The following SLC9A4 variants were observed in gnomAD, a reference collection of about 807,000 sequenced individuals.
The protein encoded by SLC9A4 is sodium/hydrogen exchanger 4.
A neutral mutation model predicts 67.4 loss-of-function variants in SLC9A4; 63 were observed. The ratio of observed to expected loss-of-function variants is 0.93; its 90% CI spans 0.76 to 1.15. The LOEUF (loss-of-function observed/expected upper bound fraction) is 1.15, where lower values mean the gene tolerates loss of function less well. SLC9A4 is among the 50% of genes most tolerant of loss of function. The pLI is 0.00. For missense variants in SLC9A4, 1,089 were observed against 987.7 expected (o/e 1.10, Z -1.38); for synonymous variants, 393 against 367.2 (o/e 1.07, Z -0.80).
At chr2:102,493,854 C>T (rs1187389334) in intron 2 of SLC9A4, among the ~76,000 whole-genome samples, 1 of 151,782 alleles carries the variant, frequency 6.6e-6, no homozygotes. Flanking sequence ...AAACAGTTAC[C>T]ATAACTGCAA....
In SLC9A4 at chr2:102,532,828, G is replaced by C. The variant is rs1674807695; in HGVS notation, c.*140G>C. The stretch of plus-strand genomic sequence containing the variant: ...ATTAAACATGGATCTATAAGCAGCA[G>C]GAAGATTTTTTCCAAGGACTGGGAG... On this transcript the variant is annotated 3_prime_UTR_variant, in exon 12 of 12. Transcript: ENST00000295269. The C allele has an allele frequency of 2.4e-5, 23 of 940,146 alleles. No individual in the cohort carries two copies. In the East Asian group the frequency reaches 6.0e-4, roughly 25 times the overall value. The allele number at this position is 940,146 out of a possible 1,614,324, so 58.2% of individuals were successfully genotyped here. A position where few individuals can be genotyped will look rare whatever the true frequency, so the allele number is the denominator to read the frequency against.
chr2:102,473,602 A>G lies in SLC9A4; in HGVS notation c.-158A>G, dbSNP rs553579171. ...CAGATTAGAAAGTGTCTACATACAG[A>G]GCTCAATAACACACTCGGAATCTTC... On this transcript the variant is annotated 5_prime_UTR_variant, in exon 1 of 12. Transcript: ENST00000295269. The G allele has an allele frequency of 2.4e-6, 2 of 821,602 alleles. No homozygotes were observed. The highest frequency in any genetic ancestry group is 5.3e-5 in the East Asian group (2 of 37,750). 50.9% of individuals were successfully genotyped at this position (821,602 alleles called of 1,614,324 possible).
chr2:102,503,442 G>C lies in SLC9A4; in HGVS notation c.721-6G>C, dbSNP rs1462208489. 6.4e-7 allele frequency: 1 copy of C among 1,568,088 alleles called. No individual in the cohort carries two copies. Among genetic ancestry groups the C allele is most frequent in the Non-Finnish European group, 8.7e-7 (1 of 1,154,618 alleles). On this transcript the variant is annotated splice_polypyrimidine_tract_variant and splice_region_variant and intron_variant, in intron 2 of 11. Coordinates refer to ENST00000295269, the MANE Select transcript of SLC9A4 (RefSeq NM_001011552.4). ...TTCATATTTGTTTACTCTCTTTTTTGCCTAGGTCTTATACAATATGTTAAT... is the reference window on the plus strand; with the variant it reads ...TTCATATTTGTTTACTCTCTTTTTTCCCTAGGTCTTATACAATATGTTAAT...
intron 2 of SLC9A4, among the ~76,000 whole-genome samples, chr2:102,500,492 CA>C (rs978498611): frequency 7.9e-5 from 12 of 152,124 alleles, no homozygotes; most frequent in African/African-American, 2.7e-4. Context: ...TGCTTGTGGA[CA>C]AAAAACTCAT....
At chr2:102,512,390 C>A in intron 7 of SLC9A4, 117 bp downstream of exon 7, 2 of 1,068,524 alleles carry the variant, frequency 1.9e-6, no homozygotes, top group Non-Finnish European at 2.8e-6. Context: ...TGCTCCTGAG[C>A]CATCCCCTAC....
At chr2:102,487,094 A>G (rs188482799) in intron 2 of SLC9A4, among the ~76,000 whole-genome samples, 277 of 152,226 alleles carry the variant, frequency 1.8e-3, no homozygotes, top group Non-Finnish European at 2.8e-3. Context: ...ATGGGTCCCA[A>G]AGGATTCAGG....
Position 102,525,174 on chromosome 2 carries a change from C to G in SLC9A4, c.1950+19C>G, listed in dbSNP as rs753323969. 3.7e-6 allele frequency: 6 copies of G among 1,613,628 alleles called. No individual in the cohort carries two copies. The South Asian group carries it at 5.5e-5, about 15-fold the overall frequency. ...AAAGCCGGTACATTGGGGCTGGGGA[C>G]TGGGACATTCCTTCAGTGTGCAAGT... On this transcript the variant is annotated intron_variant, in intron 10 of 11. Coordinates refer to ENST00000295269, the MANE Select transcript of SLC9A4 (RefSeq NM_001011552.4).
At chr2:102,500,528 C>G (rs1193452681) in intron 2 of SLC9A4, among the ~76,000 whole-genome samples, 1 of 152,114 alleles carries the variant, frequency 6.6e-6, no homozygotes, top group Non-Finnish European at 1.5e-5. Context: ...TGTGCAACCT[C>G]CTCGTGTGGC....
Position 102,474,093 on chromosome 2 carries a change from G to A in SLC9A4, c.256+78G>A, listed in dbSNP as rs551632846. 1.2e-4 allele frequency: 181 copies of A among 1,498,558 alleles called. 2 individuals carry two copies. The highest frequency in any genetic ancestry group is 1.6e-4 in the Non-Finnish European group (174 of 1,112,864). The allele number at this position is 1,498,558 out of a possible 1,614,324, so 92.8% of individuals were successfully genotyped here. A position where few individuals can be genotyped will look rare whatever the true frequency, so the allele number is the denominator to read the frequency against. On this transcript the variant is annotated intron_variant, in intron 1 of 11. Coordinates refer to ENST00000295269, the MANE Select transcript of SLC9A4 (RefSeq NM_001011552.4). ...AATGTGAAAATGCCTTATAGATAAC[G>A]GGCTAAGAGGATTTTAACTGTTACT...
chr2:102,522,365 C>T (rs1298996147), intron 9 of SLC9A4, among the ~76,000 whole-genome samples: 2 of 151,992 alleles, frequency 1.3e-5, no homozygotes, highest in African/African-American at 4.8e-5. Flanking sequence ...GCTCAAGGTC[C>T]AGTGGGAAAT....
intron 11 of SLC9A4, among the ~76,000 whole-genome samples, chr2:102,527,782 TTA>T (rs1305443656): frequency 2.6e-5 from 4 of 152,258 alleles, no homozygotes; most frequent in East Asian, 3.8e-4. Flanking sequence ...AGCATAAAAT[TTA>T]TATGTCAGAT....
intron 2 of SLC9A4, among the ~76,000 whole-genome samples, chr2:102,496,008 C>T (rs1442404479): frequency 2.6e-5 from 4 of 151,516 alleles, no homozygotes; most frequent in Admixed American, 2.6e-4. Flanking sequence ...TCAAAACACA[C>T]ACAAAAAAGA....
intron 2 of SLC9A4, among the ~76,000 whole-genome samples, chr2:102,483,528 A>G (rs1684511781): frequency 6.6e-6 from 1 of 152,058 alleles, no homozygotes; most frequent in Non-Finnish European, 1.5e-5. Flanking sequence ...CTGCCTTCCC[A>G]CCAAAGAGAA....
At chr2:102,476,675 A>G (rs181040138) in intron 1 of SLC9A4, among the ~76,000 whole-genome samples, 1 of 152,278 alleles carries the variant, frequency 6.6e-6, no homozygotes, top group African/African-American at 2.4e-5. Flanking sequence ...AAGAAGGAGG[A>G]GAAGGAAAAC....
chr2:102,523,071 C>A (rs187577830), intron 9 of SLC9A4, among the ~76,000 whole-genome samples: 3 of 151,912 alleles, frequency 2.0e-5, no homozygotes, highest in African/African-American at 7.3e-5. Flanking sequence ...TAGACTCAAG[C>A]GACTCTCCCA....
At chr2:102,515,659 T>C (rs147816561) in intron 8 of SLC9A4, among the ~76,000 whole-genome samples, 35 of 152,102 alleles carry the variant, frequency 2.3e-4, no homozygotes, top group African/African-American at 7.2e-4. Flanking sequence ...ATGTTGATAT[T>C]ATATTCATCA....
intron 6 of SLC9A4, among the ~76,000 whole-genome samples, chr2:102,510,953 CT>C (rs1242577639): frequency 2.6e-5 from 4 of 152,192 alleles, no homozygotes; most frequent in African/African-American, 9.7e-5. Flanking sequence ...TAGGTGGAGA[CT>C]TCAACTCAGT....
At chr2:102,525,296 C>CTAAA in intron 10 of SLC9A4, 141 bp downstream of exon 10, 1 of 1,363,894 alleles carries the variant, frequency 7.3e-7, no homozygotes, top group East Asian at 2.4e-5. Context: ...CTGAGAGATA[C>CTAAA]TAAAGCAAGA....
Position 102,508,060 on chromosome 2 carries a change from C to G in SLC9A4, c.1199-19C>G. 1.2e-6 allele frequency: 2 copies of G among 1,611,464 alleles called. No individual in the cohort carries two copies. The highest frequency in any genetic ancestry group is 1.7e-6 in the Non-Finnish European group (2 of 1,177,520). On this transcript the variant is annotated intron_variant, in intron 4 of 11. Coordinates refer to ENST00000295269, the MANE Select transcript of SLC9A4 (RefSeq NM_001011552.4). ...TCGTTCATGATCCTCTGCTCTAATACACGTTTCCCCCTTTCTAGGCGTATT... is the reference window on the plus strand; with the variant it reads ...TCGTTCATGATCCTCTGCTCTAATAGACGTTTCCCCCTTTCTAGGCGTATT...
Sources: gnomAD v4.1 joint callset for allele counts (sites outside exome capture counted in the v4.1 genomes callset) on GRCh38, gnomAD v4.1.1 for gene constraint, MANE v1.5 for transcripts, NCBI Gene and HGNC (gene_info 2026-07-23, HGNC 2026-07-21) for gene names.